Variants in SAMD4B observed in about 807,000 individuals in gnomAD.
SAMD4B encodes sterile alpha motif domain containing 4B, also known as protein Smaug homolog 2.
A neutral mutation model predicts 74.5 loss-of-function variants in SAMD4B; 5 were observed. The ratio of observed to expected loss-of-function variants is 0.07; its 90% confidence interval spans 0.04 to 0.14. The LOEUF is 0.14. SAMD4B is among the 10% of genes least tolerant of loss of function. The probability of loss-of-function intolerance (pLI) is 1.00; values close to 1 mark genes in which losing one functional copy is unlikely to be tolerated. For synonymous variants in SAMD4B, 373 were observed against 374.9 expected, an observed-to-expected ratio of 1.00 and a Z score of 0.06; for missense variants, 608 against 921.8, an observed-to-expected ratio of 0.66 and a Z score of 4.41.
intron 1 of SAMD4B, among the ~76,000 whole-genome samples, chr19:39,349,402 T>C (rs536904207): frequency 6.6e-6 from 1 of 152,260 alleles, no homozygotes; most frequent in East Asian, 1.9e-4. Context: ...TCCTCTCTAT[T>C]CCAGAGTTTA....
At position 39,369,986 on chromosome 19, in the gene SAMD4B, G is replaced by A; in HGVS notation, c.528G>A (p.Gly176=). 1 of 1,613,388 alleles carries A rather than the reference G, an allele frequency of 6.2e-7. No homozygotes were observed. The highest frequency in any genetic ancestry group is 8.5e-7 in the Non-Finnish European group (1 of 1,179,754). ...CACGTCAAGGCTCAGATGAGTGGGG[G>A]GGCCCTGCAGAGCTAGGCCCTGGGG... ...YHSRQGSDEW[G]GPAELGPGEA... The change falls in exon 4 of 14, where the codon GGG becomes GGA. Residue 176 remains glycine, a synonymous_variant. Coordinates refer to ENST00000610417, the MANE Select transcript of SAMD4B (RefSeq NM_001384574.2).
chr19:39,386,855 C>G (rs2078262824), downstream of SAMD4B: 3 of 1,171,892 alleles, frequency 2.6e-6, no homozygotes, highest in South Asian at 2.4e-5. This position sits in a 1 kb window ranked among gnomAD's most constrained non-coding sequence, Gnocchi z 6.1. Context: ...AGACACACCT[C>G]CCACTTCCCC....
intron 3 of SAMD4B, among the ~76,000 whole-genome samples, chr19:39,357,994 G>C (rs979692591): frequency 1.3e-5 from 2 of 152,236 alleles, no homozygotes; most frequent in Non-Finnish European, 2.9e-5. Flanking sequence ...TTCTTGGCCA[G>C]ATGCAGTGGC....
chr19:39,381,330 A>G, intron 12 of SAMD4B: 2 of 525,820 alleles, frequency 3.8e-6, no homozygotes, highest in Non-Finnish European at 6.6e-6. Context: ...CCTCTGAGTC[A>G]TCATCTCTCA....
chr19:39,376,022 C>G, intron 5 of SAMD4B, 133 bp downstream of exon 5: 3 of 1,231,156 alleles, frequency 2.4e-6, no homozygotes, highest in Non-Finnish European at 3.3e-6. Context: ...GTAGATAGTC[C>G]CTGCTTTTAG....
At position 39,385,383 on chromosome 19, in the gene SAMD4B, G is replaced by C. The variant is rs1388602115; in HGVS notation, c.*1856G>C. On this transcript the variant is annotated 3_prime_UTR_variant, in exon 14 of 14. Transcript: ENST00000610417. ...CTGACTGTGCCTGGCACTGGGAGGT[G>C]GTGAGGGACACCGTCTCACACACAC... 9.9e-6 allele frequency: 4 copies of C among 405,208 alleles called. No individual in the cohort carries two copies. The South Asian group carries it at 4.8e-4, about 48-fold the overall frequency. 25.1% of individuals were successfully genotyped at this position (405,208 alleles called of 1,614,324 possible).
chr19:39,356,810 TA>T lies in SAMD4B; in HGVS notation c.-82del. 8.3e-7 allele frequency: 1 copy of T among 1,207,210 alleles called. No homozygotes were observed. Among genetic ancestry groups the T allele is most frequent in the Non-Finnish European group, 1.1e-6 (1 of 873,408 alleles). The allele number at this position is 1,207,210 out of a possible 1,614,324, so 74.8% of individuals were successfully genotyped here. On this transcript the variant is annotated 5_prime_UTR_variant, in exon 3 of 14. Coordinates refer to ENST00000610417, the MANE Select transcript of SAMD4B (RefSeq NM_001384574.2). ...TAAGCCCTGGCCCTCAGGGGAAAGG[TA>T]ACAGGAGGCCAGAGCCGGGACCATG...
At chr19:39,380,518 G>A (rs1317785176) in intron 10 of SAMD4B, 69 bp from the exon 11 acceptor site, 6 of 1,523,672 alleles carry the variant, frequency 3.9e-6, no homozygotes, top group African/African-American at 1.4e-5. Context: ...TGTTGGGGAA[G>A]GTGAGGAAGG....
At chr19:39,361,085 G>T (rs1034749438) in intron 3 of SAMD4B, among the ~76,000 whole-genome samples, 1 of 152,146 alleles carries the variant, frequency 6.6e-6, no homozygotes, top group African/African-American at 2.4e-5. Flanking sequence ...GGGTTGTTCT[G>T]GTACTTTCCA....
chr19:39,367,813 T>G (rs1203075625), intron 3 of SAMD4B, among the ~76,000 whole-genome samples: 1 of 149,482 alleles, frequency 6.7e-6, no homozygotes, highest in Admixed American at 6.7e-5. Context: ...CCAGTGCTAA[T>G]AAGGTCTTTG....
intron 3 of SAMD4B, among the ~76,000 whole-genome samples, chr19:39,362,038 A>G (rs538495189): frequency 2.0e-4 from 31 of 152,254 alleles, no homozygotes; most frequent in African/African-American, 7.2e-4. Context: ...TTGTATCTCC[A>G]TGTCCCACCG....
chr19:39,343,453 C>T (rs12980513), intron 1 of SAMD4B, among the ~76,000 whole-genome samples: 1 of 151,550 alleles, frequency 6.6e-6, no homozygotes, highest in African/African-American at 2.4e-5. Context: ...AAAAACTCAC[C>T]TAGAAGACTC....
downstream of SAMD4B, chr19:39,389,219 C>T (rs1403659696): frequency 1.9e-6 from 3 of 1,610,678 alleles, no homozygotes. The surrounding 1 kb of genome is among the most constrained non-coding windows in gnomAD (Gnocchi z 5.3). Flanking sequence ...AGAAAAAGGT[C>T]CTTAGGGGCC....
intron 1 of SAMD4B, among the ~76,000 whole-genome samples, chr19:39,343,022 C>T (rs62119676): frequency 0.012 from 1,811 of 152,078 alleles, 11 homozygotes; most frequent in Non-Finnish European, 0.019. Context: ...CCCTTTGGCC[C>T]CGAAGCCCCC....
intron 1 of SAMD4B, among the ~76,000 whole-genome samples, chr19:39,344,847 C>T (rs770011245): frequency 8.5e-5 from 13 of 152,154 alleles, no homozygotes; most frequent in Non-Finnish European, 1.9e-4. Flanking sequence ...TCATAGACCC[C>T]TCTTCCCTTC....
rs200770096 is a variant in SAMD4B at position 39,385,688 on chromosome 19, CAAAA to C, written c.*2166_*2169del. 20 of 515,914 alleles carry C rather than the reference CAAAA, an allele frequency of 3.9e-5. No homozygotes were observed. The highest frequency in any genetic ancestry group is 1.1e-4 in the Admixed American group (3 of 27,002). 32.0% of individuals were successfully genotyped at this position (515,914 alleles called of 1,614,324 possible). On this transcript the variant is annotated 3_prime_UTR_variant, in exon 14 of 14. Transcript: ENST00000610417. ...TTATTTTGGAAAAAAAAAAAACAAA[CAAAA>C]AAAACGAATTCTGACCTTCGTTGTG...
At position 39,369,825 on chromosome 19, in the gene SAMD4B, C is replaced by T; in HGVS notation, c.367C>T (p.Arg123Cys). 1 of 1,614,248 alleles carries T rather than the reference C, an allele frequency of 6.2e-7. No homozygotes were observed. Among genetic ancestry groups the T allele is most frequent in the Non-Finnish European group, 8.5e-7 (1 of 1,180,048 alleles). Residue 123 changes from arginine (R) to cysteine (C), a missense_variant, in exon 4 of 14, where the codon CGC becomes TGC. By Grantham distance (180) the Arg-to-Cys change is radical. This residue lies in a region of SAMD4B where 74 missense variants were observed against 182.0 expected (regional missense o/e 0.41). Transcript: ENST00000610417. Reference protein sequence around the residue: ...IESNAFIEESRQLLSYALIHP... With the variant: ...IESNAFIEESCQLLSYALIHP... ...GAGCAATGCTTTCATCGAGGAGAGTCGCCAGCTGCTTTCCTATGCCCTCAT... is the reference window on the plus strand; with the variant it reads ...GAGCAATGCTTTCATCGAGGAGAGTTGCCAGCTGCTTTCCTATGCCCTCAT...
At chr19:39,360,686 A>G (rs184257827) in intron 3 of SAMD4B, among the ~76,000 whole-genome samples, 2 of 152,248 alleles carry the variant, frequency 1.3e-5, no homozygotes, top group African/African-American at 2.4e-5. Context: ...GGAAGGTGCT[A>G]CTTTCTGGGC....
chr19:39,345,421 T>G (rs962297978), intron 1 of SAMD4B, among the ~76,000 whole-genome samples: 1 of 152,240 alleles, frequency 6.6e-6, no homozygotes, highest in Non-Finnish European at 1.5e-5. Context: ...TCTTTCTGGC[T>G]ACCCCTCCAG....
Sources: allele counts gnomAD v4.1 joint callset (sites outside exome capture counted in the v4.1 genomes callset), GRCh38; gene constraint gnomAD v4.1.1; regional missense constraint gnomAD v4.1.1; non-coding constraint Gnocchi (gnomAD v3.1); transcripts MANE v1.5; gene names NCBI Gene and HGNC (gene_info 2026-07-23, HGNC 2026-07-21).